PDLIM5: variants seen among roughly 807,000 people sequenced by gnomAD.
PDLIM5 encodes the protein PDZ and LIM domain protein 5.
PDLIM5 carries 34 observed loss-of-function variants against 64.2 expected under a neutral mutation model. The ratio of observed to expected loss-of-function variants is 0.53; its 90% CI spans 0.40 to 0.71. The LOEUF (loss-of-function observed/expected upper bound fraction) is 0.71. Among genes scored for constraint, PDLIM5 ranks in the 30% least tolerant of loss-of-function variants. The pLI is 0.00. For missense variants in PDLIM5, 683 were observed against 733.6 expected, an observed-to-expected ratio of 0.93 and a Z score of 0.80; for synonymous variants, 253 against 269.1, an observed-to-expected ratio of 0.94 and a Z score of 0.59.
At chr4:94,616,785 G>A (rs1346233001) in intron 7 of PDLIM5, among the ~76,000 whole-genome samples, 1 of 152,138 alleles carries the variant, frequency 6.6e-6, no homozygotes, top group Admixed American at 6.5e-5. Context: ...ACAAGAATAG[G>A]GAGCAATATT....
chr4:94,654,321 A>G (rs915923528), intron 9 of PDLIM5, 139 bp from the exon 10 acceptor site: 18 of 633,822 alleles, frequency 2.8e-5, no homozygotes, highest in Non-Finnish European at 4.5e-5. Flanking sequence ...ACAACACCCA[A>G]CACCCATGAG....
chr4:94,611,586 A>T (rs1161643785), intron 7 of PDLIM5, among the ~76,000 whole-genome samples: 1 of 152,200 alleles, frequency 6.6e-6, no homozygotes, highest in African/African-American at 2.4e-5. Flanking sequence ...ATCAATTTTG[A>T]TTGGCTACAT....
At chr4:94,646,640 A>G (rs921864441) in intron 9 of PDLIM5, among the ~76,000 whole-genome samples, 1 of 152,228 alleles carries the variant, frequency 6.6e-6, no homozygotes, top group Admixed American at 6.5e-5. Flanking sequence ...AGGATTATCC[A>G]ACTTTAACAA....
chr4:94,468,038 A>G (rs141047860), intron 2 of PDLIM5, among the ~76,000 whole-genome samples: 2 of 152,256 alleles, frequency 1.3e-5, no homozygotes, highest in Non-Finnish European at 2.9e-5. Flanking sequence ...AGATATGTTA[A>G]GACCAATGCA....
chr4:94,494,429 C>CTTTTTTTT (rs1261064734), intron 2 of PDLIM5, among the ~76,000 whole-genome samples: 3 of 51,602 alleles, frequency 5.8e-5, no homozygotes, highest in Non-Finnish European at 9.0e-5. Flanking sequence ...TTTTTTTTTT[C>CTTTTTTTT]TTGTTTTTTT....
At chr4:94,648,287 A>G (rs1012820029) in intron 9 of PDLIM5, among the ~76,000 whole-genome samples, 11 of 152,176 alleles carry the variant, frequency 7.2e-5, no homozygotes, top group East Asian at 5.8e-4. Flanking sequence ...AGAAGACTCA[A>G]ATTACTAAAA....
intron 10 of PDLIM5, 60 bp from the exon 11 acceptor site, chr4:94,657,366 TA>T: frequency 1.6e-6 from 2 of 1,222,824 alleles, no homozygotes; most frequent in Non-Finnish European, 2.4e-6. Context: ...GATATTAGAA[TA>T]AACATTTATG....
At chr4:94,519,210 G>C (rs1729623163) in intron 2 of PDLIM5, among the ~76,000 whole-genome samples, 1 of 152,210 alleles carries the variant, frequency 6.6e-6, no homozygotes, top group Non-Finnish European at 1.5e-5. Flanking sequence ...AAGGAGGTCT[G>C]ACCGGTCAGT....
Position 94,530,801 on chromosome 4 carries a change from G to A in PDLIM5, c.248+6926G>A, listed in dbSNP as rs555493763. The stretch of plus-strand genomic sequence containing the variant: ...TGCTGCTAATGAATGACAGATTGGA[G>A]TAATTTAATAGGTACATTGGATTAT... On this transcript the variant is annotated intron_variant, in intron 3 of 12. Coordinates refer to ENST00000317968, the MANE Select transcript of PDLIM5 (RefSeq NM_006457.5). Among the ~76,000 whole-genome samples the A allele has an allele frequency of 6.6e-5, 10 of 152,218 alleles. 1 individual carries two copies. The South Asian group carries it at 1.9e-3, about 28-fold the overall frequency.
rs141664961 is a variant in PDLIM5 at position 94,465,892 on chromosome 4, A to C, written c.96+10508A>C. On this transcript the variant is annotated intron_variant, in intron 2 of 12. Transcript: ENST00000317968. ...GAATAGATGACAGTTCTCACTAGAG[A>C]TAGCCAAATTTGTGTGTTTGTGTAT... Among the ~76,000 whole-genome samples the C allele has an allele frequency of 2.6e-5, 4 of 152,002 alleles. No individual in the cohort carries two copies. The East Asian group carries it at 7.7e-4, about 29-fold the overall frequency.
At chr4:94,558,810 T>TTG (rs1306338937) in intron 3 of PDLIM5, among the ~76,000 whole-genome samples, 1 of 152,024 alleles carries the variant, frequency 6.6e-6, no homozygotes, top group Non-Finnish European at 1.5e-5. Flanking sequence ...ATGATCTCTT[T>TTG]TGTGTGTGTG....
intron 8 of PDLIM5, among the ~76,000 whole-genome samples, chr4:94,632,598 A>G (rs1740245187): frequency 6.6e-6 from 1 of 152,210 alleles, no homozygotes; most frequent in South Asian, 2.1e-4. Flanking sequence ...ACTTGTGACT[A>G]TGTTATGTTA....
At chr4:94,527,397 C>T (rs189975843) in intron 3 of PDLIM5, among the ~76,000 whole-genome samples, 1 of 152,186 alleles carries the variant, frequency 6.6e-6, no homozygotes, top group African/African-American at 2.4e-5. Flanking sequence ...TTCTTCATTC[C>T]ACTTCTCACC....
chr4:94,479,636 T>G (rs1211641330), intron 2 of PDLIM5, among the ~76,000 whole-genome samples: 1 of 152,070 alleles, frequency 6.6e-6, no homozygotes, highest in African/African-American at 2.4e-5. Flanking sequence ...TGGCCAGAGA[T>G]CTTTGTATAT....
At chr4:94,569,071 T>C (rs1228281405) in intron 3 of PDLIM5, among the ~76,000 whole-genome samples, 1 of 152,212 alleles carries the variant, frequency 6.6e-6, no homozygotes, top group Non-Finnish European at 1.5e-5. Flanking sequence ...TTTTGGATTG[T>C]GGTTACCTTT....
intron 2 of PDLIM5, among the ~76,000 whole-genome samples, chr4:94,504,962 A>C (rs1404818165): frequency 1.3e-5 from 2 of 152,176 alleles, no homozygotes; most frequent in Non-Finnish European, 2.9e-5. Context: ...TCTTGTAATG[A>C]GTTTGCATAG....
intron 2 of PDLIM5, chr4:94,489,176 T>G (rs768627007): frequency 5.9e-5 from 9 of 152,196 alleles, no homozygotes; most frequent in African/African-American, 1.4e-4. Flanking sequence ...TGTCTATTTT[T>G]AATCATGGAG....
At chr4:94,639,135 G>A (rs747853886) in intron 8 of PDLIM5, among the ~76,000 whole-genome samples, 2 of 152,098 alleles carry the variant, frequency 1.3e-5, no homozygotes, top group African/African-American at 4.8e-5. Flanking sequence ...GTAGAAAATG[G>A]CATTACCGAT....
chr4:94,458,244 G>A (rs1723554584), intron 2 of PDLIM5, among the ~76,000 whole-genome samples: 1 of 151,992 alleles, frequency 6.6e-6, no homozygotes, highest in South Asian at 2.1e-4. Context: ...GGATATTACT[G>A]GTCATCAGGT....
Sources: allele counts gnomAD v4.1 joint callset (sites outside exome capture counted in the v4.1 genomes callset), GRCh38; gene constraint gnomAD v4.1.1; transcripts MANE v1.5; gene names NCBI Gene and HGNC (gene_info 2026-07-23, HGNC 2026-07-21).